The following GALNTL6 variants were observed in gnomAD, a reference collection of about 807,000 sequenced individuals.
GALNTL6 encodes polypeptide N-acetylgalactosaminyltransferase-like 6.
GALNTL6 carries 46 observed loss-of-function variants against 73.7 expected under a neutral mutation model. That is an observed-to-expected ratio of 0.62 (90% confidence interval 0.49 to 0.80). GALNTL6 has a LOEUF of 0.80. Ranked by LOEUF, GALNTL6 falls within the 30% of genes least tolerant of loss-of-function variation. The probability of loss-of-function intolerance (pLI) is 0.00; values close to 1 mark genes in which losing one functional copy is unlikely to be tolerated. For synonymous variants in GALNTL6, 259 were observed against 263.7 expected (o/e 0.98, Z 0.17); for missense variants, 604 against 755.0 (o/e 0.80, Z 2.34).
chr4:171,999,310 C>G (rs35353338), intron 2 of GALNTL6, among the ~76,000 whole-genome samples: 61 of 152,146 alleles, frequency 4.0e-4, no homozygotes, highest in Admixed American at 3.8e-3. Context: ...ATGTAACTTG[C>G]GTTTAAATTT....
intron 5 of GALNTL6, among the ~76,000 whole-genome samples, chr4:172,656,815 C>T (rs1041848479): frequency 1.3e-5 from 2 of 152,172 alleles, no homozygotes; most frequent in Non-Finnish European, 2.9e-5. Flanking sequence ...CTAGAGCAGA[C>T]GTGCTTTGCA....
chr4:172,186,251 A>G (rs1308299799), intron 2 of GALNTL6, among the ~76,000 whole-genome samples: 1 of 152,170 alleles, frequency 6.6e-6, no homozygotes, highest in Non-Finnish European at 1.5e-5. Flanking sequence ...ATACTACTTG[A>G]CAGCCCCTAG....
chr4:172,419,433 G>C (rs1274901353), intron 5 of GALNTL6, among the ~76,000 whole-genome samples: 1 of 152,124 alleles, frequency 6.6e-6, no homozygotes, highest in Admixed American at 6.6e-5. Context: ...TAATTTATTG[G>C]ATATTTTCGA....
chr4:172,087,781 A>G (rs1386214832), intron 2 of GALNTL6, among the ~76,000 whole-genome samples: 1 of 151,736 alleles, frequency 6.6e-6, no homozygotes, highest in African/African-American at 2.4e-5. Context: ...AAAACAGTGG[A>G]AATTTAGGGG....
chr4:172,243,103 T>C (rs183409963), intron 3 of GALNTL6, among the ~76,000 whole-genome samples: 172 of 152,320 alleles, frequency 1.1e-3, no homozygotes, highest in African/African-American at 3.9e-3. Flanking sequence ...CTCTTACTGA[T>C]TGGTGTTCAG....
chr4:171,943,350 T>C (rs1318188806), intron 2 of GALNTL6, among the ~76,000 whole-genome samples: 1 of 152,156 alleles, frequency 6.6e-6, no homozygotes, highest in Non-Finnish European at 1.5e-5. Flanking sequence ...ATACCAGAAA[T>C]AGAAGTCAAA....
chr4:172,988,453 G>A (rs1247985651), intron 10 of GALNTL6, among the ~76,000 whole-genome samples: 2 of 152,212 alleles, frequency 1.3e-5, no homozygotes, highest in Admixed American at 6.5e-5. Flanking sequence ...ATCTCAAATT[G>A]AAACTTTTCA....
intron 2 of GALNTL6, among the ~76,000 whole-genome samples, chr4:172,075,088 T>G (rs1731661809): frequency 6.6e-6 from 1 of 152,206 alleles, no homozygotes; most frequent in Non-Finnish European, 1.5e-5. Context: ...AGGAATATTA[T>G]GTATTGTTAT....
chr4:172,718,833 C>T (rs924442469), intron 5 of GALNTL6, among the ~76,000 whole-genome samples: 3 of 151,954 alleles, frequency 2.0e-5, no homozygotes, highest in African/African-American at 7.3e-5. Flanking sequence ...CAGCAATAGA[C>T]CATCATCTTC....
At chr4:172,905,054 G>A (rs1579634735) in intron 8 of GALNTL6, among the ~76,000 whole-genome samples, 1 of 152,056 alleles carries the variant, frequency 6.6e-6, no homozygotes, top group Non-Finnish European at 1.5e-5. Flanking sequence ...TTTCTATGGC[G>A]ATGATAACTA....
chr4:172,868,265 T>C (rs1232090960), intron 7 of GALNTL6, among the ~76,000 whole-genome samples: 1 of 152,196 alleles, frequency 6.6e-6, no homozygotes, highest in African/African-American at 2.4e-5. Flanking sequence ...CTTTTAGAGC[T>C]AATACCATCC....
chr4:172,131,020 A>T (rs1326006287), intron 2 of GALNTL6, among the ~76,000 whole-genome samples: 1 of 152,058 alleles, frequency 6.6e-6, no homozygotes, highest in East Asian at 1.9e-4. Flanking sequence ...GGAGATCTTG[A>T]AGATGAGTAA....
At chr4:172,169,053 A>G (rs1734727736) in intron 2 of GALNTL6, among the ~76,000 whole-genome samples, 2 of 152,238 alleles carry the variant, frequency 1.3e-5, no homozygotes, top group South Asian at 4.1e-4. Flanking sequence ...TGGGAATTGC[A>G]TCAGTGTTTT....
At position 172,503,538 on chromosome 4, in the gene GALNTL6, ATATATATATATG is replaced by A. The variant is rs1040230636; in HGVS notation, c.553+154853_553+154864del. Among the ~76,000 whole-genome samples the A allele has an allele frequency of 6.9e-4, 66 of 95,338 alleles. 3 individuals are homozygous for A. In the South Asian group the frequency reaches 0.031, roughly 45 times the overall value. The allele number at this position is 95,338 out of a possible 152,430, so 62.5% of individuals were successfully genotyped here. Reference sequence around the variant, plus strand: ...TGTACATAGAGTAGTATATATATATATATATATATATGTATTAGTTTTTTGTGAAAAGACTTG... The same window carrying A: ...TGTACATAGAGTAGTATATATATATATATTAGTTTTTTGTGAAAAGACTTG... On this transcript the variant is annotated intron_variant, in intron 5 of 12. Coordinates refer to ENST00000506823, the MANE Select transcript of GALNTL6 (RefSeq NM_001034845.3).
chr4:171,901,850 C>A (rs542224078), intron 2 of GALNTL6, among the ~76,000 whole-genome samples: 1 of 152,030 alleles, frequency 6.6e-6, no homozygotes, highest in Admixed American at 6.5e-5. Flanking sequence ...TTGTCTCACA[C>A]AAAGTTGATA....
intron 5 of GALNTL6, among the ~76,000 whole-genome samples, chr4:172,643,023 A>T (rs1476693054): frequency 2.0e-5 from 3 of 151,918 alleles, no homozygotes; most frequent in South Asian, 4.2e-4. Flanking sequence ...GATCTTACTT[A>T]GAAAAAAAAA....
chr4:172,943,821 G>A (rs190639125), intron 9 of GALNTL6, among the ~76,000 whole-genome samples: 1 of 152,182 alleles, frequency 6.6e-6, no homozygotes, highest in Non-Finnish European at 1.5e-5. Flanking sequence ...AGAGAAGAGA[G>A]AGCCCAGAAA....
intron 2 of GALNTL6, among the ~76,000 whole-genome samples, chr4:172,009,986 ACAAT>A (rs1190808970): frequency 7.9e-5 from 12 of 152,160 alleles, no homozygotes; most frequent in Admixed American, 7.9e-4. Flanking sequence ...GCCATATAGA[ACAAT>A]CAACACAATT....
intron 2 of GALNTL6, among the ~76,000 whole-genome samples, chr4:171,990,398 T>C (rs771654077): frequency 8.5e-5 from 13 of 152,178 alleles, no homozygotes; most frequent in Non-Finnish European, 1.8e-4. Context: ...TTAAGTAATC[T>C]ACACAGTCAC....
Sources: gnomAD v4.1 joint callset for allele counts (sites outside exome capture counted in the v4.1 genomes callset) on GRCh38, gnomAD v4.1.1 for gene constraint, MANE v1.5 for transcripts, NCBI Gene and HGNC (gene_info 2026-07-23, HGNC 2026-07-21) for gene names.